Variants in PCDH10 observed in about 807,000 individuals in gnomAD.
PCDH10 encodes protocadherin-10.
In PCDH10, 15 loss-of-function variants were observed where a neutral mutation model predicts 74.4. The observed-to-expected ratio is 0.20, with a 90% CI of 0.13 to 0.31. The LOEUF (loss-of-function observed/expected upper bound fraction) is 0.31, where lower values mean the gene tolerates loss of function less well. Among genes scored for constraint, PCDH10 ranks in the 10% least tolerant of loss-of-function variants. The pLI, the probability that PCDH10 is intolerant of heterozygous loss-of-function variation, is 1.00. For synonymous variants in PCDH10, 619 were observed against 589.8 expected, an observed-to-expected ratio of 1.05 and a Z score of -0.72; for missense variants, 1,260 against 1,390.2, an observed-to-expected ratio of 0.91 and a Z score of 1.49.
At chr4:133,205,134 G>A (rs952852540) in intron 2 of PCDH10, among the ~76,000 whole-genome samples, 2 of 152,156 alleles carry the variant, frequency 1.3e-5, no homozygotes, top group Admixed American at 1.3e-4. Flanking sequence ...TCATCTTCTG[G>A]AGCAGAGTGG....
chr4:133,168,142 G>A (rs1727124172), intron 4 of PCDH10, among the ~76,000 whole-genome samples: 1 of 151,290 alleles, frequency 6.6e-6, no homozygotes, highest in Non-Finnish European at 1.5e-5. Context: ...CTAGATACAT[G>A]AGATATTATA....
At chr4:133,202,293 G>T (rs1727921955) in intron 2 of PCDH10, among the ~76,000 whole-genome samples, 1 of 152,150 alleles carries the variant, frequency 6.6e-6, no homozygotes, top group African/African-American at 2.4e-5. Context: ...AATACCAGGG[G>T]TTCTATTTGC....
At chr4:133,198,004 T>TGA (rs1553943327), downstream of PCDH10, among the ~76,000 whole-genome samples, 12 of 147,800 alleles carry the variant, frequency 8.1e-5, no homozygotes, top group African/African-American at 3.1e-4. Flanking sequence ...TGTGTGTGTG[T>TGA]GTGATTGGGA....
At chr4:133,203,999 T>G (rs1195579580) in intron 2 of PCDH10, among the ~76,000 whole-genome samples, 1 of 152,184 alleles carries the variant, frequency 6.6e-6, no homozygotes, top group Non-Finnish European at 1.5e-5. Context: ...GGAGAGCAGT[T>G]GCATTACCTC....
rs1237235074 is a variant in PCDH10, at chr4:133,152,342, C to T, written c.2202C>T (p.Ile734=). Residue 734 remains isoleucine (I), a synonymous_variant, in exon 1 of 5, where the codon ATC becomes ATT. Coordinates refer to ENST00000264360, the MANE Select transcript of PCDH10 (RefSeq NM_032961.3). ...SVSFIFLLAM[I]VLAVRCQKEK... ...CCTTCATCTTCCTGCTGGCCATGATCGTGCTGGCCGTGCGTTGCCAAAAAG... is the reference window on the plus strand; with the variant it reads ...CCTTCATCTTCCTGCTGGCCATGATTGTGCTGGCCGTGCGTTGCCAAAAAG... 15 of 1,614,112 alleles carry T rather than the reference C, an allele frequency of 9.3e-6. No individual in the cohort carries two copies. The highest frequency in any genetic ancestry group is 1.2e-5 in the Non-Finnish European group (14 of 1,180,054).
In PCDH10 at chr4:133,151,304, G is replaced by A. The variant is rs748838663; in HGVS notation, c.1164G>A (p.Glu388=). ...TCAGCGTGACTGACCGCGACTCAGA[G>A]GAGAATGGGCAGGTGCAGTGCGAGC... ...ALFSVTDRDS[E]ENGQVQCELL... is the part of the protein sequence containing the mutation. The change falls in exon 1 of 5, where the codon GAG becomes GAA. Residue 388 remains glutamate (E), a synonymous_variant. Coordinates refer to ENST00000264360, the MANE Select transcript of PCDH10 (RefSeq NM_032961.3). 1 of 1,614,188 alleles carries A rather than the reference G, an allele frequency of 6.2e-7. No homozygotes were observed. Among genetic ancestry groups the A allele is most frequent in the South Asian group, 1.1e-5 (1 of 91,090 alleles).
At chr4:133,166,389 C>T (rs1289229028) in intron 4 of PCDH10, among the ~76,000 whole-genome samples, 1 of 151,342 alleles carries the variant, frequency 6.6e-6, no homozygotes. Context: ...AAAATATTTT[C>T]TGGAGTTTTA....
downstream of PCDH10, among the ~76,000 whole-genome samples, chr4:133,195,923 T>C: frequency 6.6e-6 from 1 of 152,286 alleles, no homozygotes; most frequent in South Asian, 2.1e-4. Flanking sequence ...CCATATGATC[T>C]GTTTTTCAAA....
chr4:133,207,105 TATCTA>T (rs1181204659), intron 2 of PCDH10, among the ~76,000 whole-genome samples: 3 of 152,106 alleles, frequency 2.0e-5, no homozygotes, highest in Non-Finnish European at 4.4e-5. Context: ...CTTGAAATGA[TATCTA>T]AAGTAATTTT....
chr4:133,173,286 A>T (rs900524660), intron 4 of PCDH10, among the ~76,000 whole-genome samples: 8 of 152,038 alleles, frequency 5.3e-5, no homozygotes, highest in African/African-American at 1.9e-4. Flanking sequence ...GACATAATAA[A>T]TGTTAAGCAT....
chr4:133,185,187 A>G (rs951693045), intron 4 of PCDH10, among the ~76,000 whole-genome samples: 8 of 148,312 alleles, frequency 5.4e-5, no homozygotes, highest in African/African-American at 2.0e-4. Flanking sequence ...TAAATATATA[A>G]ATATATATAT....
Position 133,191,528 on chromosome 4 carries a change from C to CTTG in PCDH10, c.*1368_*1369insTTG, listed in dbSNP as rs1331511943. On this transcript the variant is annotated 3_prime_UTR_variant, in exon 5 of 5. Coordinates refer to ENST00000264360, the MANE Select transcript of PCDH10 (RefSeq NM_032961.3). ...AGTCAGCCTTCAAAAGTTAAGCTTG[C>CTTG]CTTTTACTTTTATGTCAACAATATT... 1 of 151,950 alleles carries CTTG rather than the reference C, an allele frequency of 6.6e-6. No individual in the cohort carries two copies. The highest frequency in any genetic ancestry group is 1.5e-5 in the Non-Finnish European group (1 of 67,724). 9.4% of individuals were successfully genotyped at this position (151,950 alleles called of 1,614,324 possible). A position where few individuals can be genotyped will look rare whatever the true frequency, so the allele number is the denominator to read the frequency against.
chr4:133,152,813 A>G, intron 1 of PCDH10, 42 bp downstream of exon 1: 1 of 1,612,594 alleles, frequency 6.2e-7, no homozygotes, highest in Non-Finnish European at 8.5e-7. Flanking sequence ...CATCTCCTCC[A>G]TCAGAAAGCC....
At chr4:133,160,960 T>C (rs893708755) in intron 3 of PCDH10, among the ~76,000 whole-genome samples, 1 of 152,096 alleles carries the variant, frequency 6.6e-6, no homozygotes, top group African/African-American at 2.4e-5. Context: ...GTATCAATCT[T>C]CTCTCTGGTT....
chr4:133,202,428 T>C (rs559559739), intron 2 of PCDH10, among the ~76,000 whole-genome samples: 25 of 152,304 alleles, frequency 1.6e-4, no homozygotes, highest in African/African-American at 6.0e-4. Flanking sequence ...CCCAACATTG[T>C]CTATTTTAAG....
intron 2 of PCDH10, among the ~76,000 whole-genome samples, chr4:133,201,586 G>T (rs1474948201): frequency 6.6e-6 from 1 of 152,098 alleles, no homozygotes; most frequent in Non-Finnish European, 1.5e-5. Context: ...GCTAGGCGGG[G>T]TGGCTCACAC....
At chr4:133,155,253 A>G (rs1726841727) in intron 3 of PCDH10, among the ~76,000 whole-genome samples, 1 of 152,230 alleles carries the variant, frequency 6.6e-6, no homozygotes. Flanking sequence ...GAGTGTCAGA[A>G]TACGAAATAT....
intron 2 of PCDH10, among the ~76,000 whole-genome samples, chr4:133,204,595 A>G (rs1727966110): frequency 6.6e-6 from 1 of 152,176 alleles, no homozygotes; most frequent in African/African-American, 2.4e-5. Flanking sequence ...GAGAGGAAAC[A>G]AAGTGGTGCT....
At chr4:133,173,065 T>C (rs959812680) in intron 4 of PCDH10, among the ~76,000 whole-genome samples, 1 of 151,978 alleles carries the variant, frequency 6.6e-6, no homozygotes, top group Non-Finnish European at 1.5e-5. Flanking sequence ...CTAACTTGAA[T>C]ACCATCTAAT....
Sources: gnomAD v4.1 joint callset for allele counts (sites outside exome capture counted in the v4.1 genomes callset) on GRCh38, gnomAD v4.1.1 for gene constraint, MANE v1.5 for transcripts, NCBI Gene and HGNC (gene_info 2026-07-23, HGNC 2026-07-21) for gene names.